PLD1: variants seen among roughly 807,000 people sequenced by gnomAD.
PLD1 encodes choline phosphatase 1.
PLD1 carries 112 observed loss-of-function variants against 137.1 expected under a neutral mutation model. That is an observed-to-expected ratio of 0.82 (90% CI 0.70 to 0.96). The LOEUF (loss-of-function observed/expected upper bound fraction) is 0.96. PLD1 is among the 40% of genes least tolerant of loss of function. The pLI, the probability that PLD1 is intolerant of heterozygous loss-of-function variation, is 0.00. For synonymous variants in PLD1, 431 were observed against 454.7 expected, an observed-to-expected ratio of 0.95 and a Z score of 0.66; for missense variants, 1,321 against 1,342.0, an observed-to-expected ratio of 0.98 and a Z score of 0.24.
At chr3:171,686,659 G>T in intron 16 of PLD1, 26 bp downstream of exon 16, 1 of 1,156,522 alleles carries the variant, frequency 8.6e-7, no homozygotes, top group Non-Finnish European at 1.3e-6. Context: ...GCCTAAGGGA[G>T]TTCTGCCACT....
intron 8 of PLD1, among the ~76,000 whole-genome samples, chr3:171,719,975 A>T (rs2108228997): frequency 6.6e-6 from 1 of 152,276 alleles, no homozygotes; most frequent in South Asian, 2.1e-4. Flanking sequence ...CATCTTTAAA[A>T]GTAAGTCTCA....
chr3:171,740,864 T>C (rs923509327), intron 1 of PLD1, among the ~76,000 whole-genome samples: 3 of 152,214 alleles, frequency 2.0e-5, no homozygotes, highest in Non-Finnish European at 4.4e-5. Flanking sequence ...TTCTGAGAGA[T>C]TGAGTTAAAC....
chr3:171,638,445 C>T (rs2108356533), intron 23 of PLD1, among the ~76,000 whole-genome samples: 1 of 152,252 alleles, frequency 6.6e-6, no homozygotes, highest in East Asian at 1.9e-4. Context: ...TCTTACGGGA[C>T]CACCATCATG....
chr3:171,736,408 A>G (rs1285089506), intron 3 of PLD1, among the ~76,000 whole-genome samples: 2 of 152,162 alleles, frequency 1.3e-5, no homozygotes, highest in Non-Finnish European at 2.9e-5. Flanking sequence ...AGAGTCTGTC[A>G]TTTACCCCCA....
chr3:171,759,970 A>G (rs1721282566), intron 1 of PLD1, among the ~76,000 whole-genome samples: 1 of 152,232 alleles, frequency 6.6e-6, no homozygotes, highest in African/African-American at 2.4e-5. Context: ...TTGCAAAAGC[A>G]AGACTGATAT....
chr3:171,732,393 C>T (rs1275661913), intron 6 of PLD1, among the ~76,000 whole-genome samples: 4 of 152,154 alleles, frequency 2.6e-5, no homozygotes, highest in Admixed American at 1.3e-4. Flanking sequence ...TGCCCCAGTG[C>T]AAGCTGCTGC....
chr3:171,747,762 A>G (rs893210483), intron 1 of PLD1, among the ~76,000 whole-genome samples: 7 of 152,198 alleles, frequency 4.6e-5, no homozygotes, highest in Non-Finnish European at 1.0e-4. Flanking sequence ...CAACAGACCT[A>G]TGAAGTAACT....
Position 171,687,603 on chromosome 3 carries a change from T to TAAAAAAAAA in PLD1, c.1540-20_1540-19insTTTTTTTTT. The TAAAAAAAAA allele has an allele frequency of 6.5e-7, 1 of 1,536,514 alleles. No homozygotes were observed. Among genetic ancestry groups the TAAAAAAAAA allele is most frequent in the Middle Eastern group, 1.9e-4 (1 of 5,314 alleles). ...CGGCAGGCTGAGAAAAATTTTTTTT[T>TAAAAAAAAA]AAAAAAAGACACTGCATAAGACATG... On this transcript the variant is annotated intron_variant, in intron 14 of 26. Coordinates refer to ENST00000351298, the MANE Select transcript of PLD1 (RefSeq NM_002662.5).
At position 171,631,253 on chromosome 3, in the gene PLD1, T is replaced by C. The variant is rs189270084; in HGVS notation, c.2594-10733A>G. ...TAAGTAGATTCATTTTTCATGGTGGTATGGGCCAGCAATCCCAAACCTATT... is the reference window on the plus strand; with the variant it reads ...TAAGTAGATTCATTTTTCATGGTGGCATGGGCCAGCAATCCCAAACCTATT... On this transcript the variant is annotated intron_variant, in intron 23 of 26. Transcript: ENST00000351298. 1.3e-5 allele frequency among the ~76,000 whole-genome samples: 2 copies of C among 152,264 alleles called. 1 individual carries two copies. Among genetic ancestry groups the C allele is most frequent in the Admixed American group, 1.3e-4 (2 of 15,302 alleles).
chr3:171,730,541 T>G (rs1399819805), intron 6 of PLD1, among the ~76,000 whole-genome samples: 2 of 152,090 alleles, frequency 1.3e-5, no homozygotes. Context: ...ATGTCTAATT[T>G]CAGAGGCTAC....
At chr3:171,795,859 A>G (rs1466278039) in intron 1 of PLD1, among the ~76,000 whole-genome samples, 1 of 152,246 alleles carries the variant, frequency 6.6e-6, no homozygotes, top group East Asian at 1.9e-4. Context: ...GGTTTTCAAT[A>G]GTTAATTTAG....
At chr3:171,773,035 G>T (rs748978283) in intron 1 of PLD1, among the ~76,000 whole-genome samples, 3 of 152,280 alleles carry the variant, frequency 2.0e-5, no homozygotes, top group Non-Finnish European at 4.4e-5. Flanking sequence ...CCCCAACTCA[G>T]CTAGATAAAC....
intron 1 of PLD1, among the ~76,000 whole-genome samples, chr3:171,788,250 CT>C (rs58878929): frequency 0.021 from 2,330 of 110,434 alleles, 9 homozygotes; most frequent in South Asian, 0.039. Context: ...ATCTGCACTT[CT>C]TTTTTTTTTT....
In PLD1 at chr3:171,620,400, T is replaced by TTA; in HGVS notation, c.2712_2713dup (p.Asn905IlefsTer11). On this transcript the variant is annotated frameshift_variant, in exon 24 of 27. Coordinates refer to ENST00000351298, the MANE Select transcript of PLD1 (RefSeq NM_002662.5). LOFTEE classifies it high-confidence loss of function. ...ACTGTACTTACCAATAATAACAGTG[T>TTA]TATCATCAGCAATTAACAACTTGCT... is the stretch of plus-strand genomic sequence containing the variant. 6.3e-7 allele frequency: 1 copy of TTA among 1,597,044 alleles called. No homozygotes were observed. Among genetic ancestry groups the TTA allele is most frequent in the South Asian group, 1.1e-5 (1 of 89,008 alleles).
chr3:171,684,473 T>C (rs1432423385), intron 16 of PLD1, among the ~76,000 whole-genome samples: 1 of 152,190 alleles, frequency 6.6e-6, no homozygotes, highest in Non-Finnish European at 1.5e-5. Context: ...AGCTTTGTCA[T>C]GCACAGGAAT....
rs545570806 is a variant in PLD1, at chr3:171,757,352, T to G, written c.-31-19270A>C. The stretch of plus-strand genomic sequence containing the variant: ...AAGGCTCAATAACTAGAAAAAACAA[T>G]CAGATAAAGAAAAGAGAAATTCTGG... On this transcript the variant is annotated intron_variant, in intron 1 of 26. Coordinates refer to ENST00000351298, the MANE Select transcript of PLD1 (RefSeq NM_002662.5). Among the ~76,000 whole-genome samples the G allele has an allele frequency of 3.3e-5, 5 of 152,092 alleles. No individual in the cohort carries two copies. The South Asian group carries it at 1.0e-3, about 32-fold the overall frequency.
chr3:171,674,502 G>A lies in PLD1; in HGVS notation c.2227C>T (p.Gln743Ter). ...QVPGSVHANV[Q>*]LLRSAADWSA... ...AAGAAAAGCCAGAACTTACTTACCTGTACGTTAGCATGGACAGACCCAGGC... is the reference window on the plus strand; with the variant it reads ...AAGAAAAGCCAGAACTTACTTACCTATACGTTAGCATGGACAGACCCAGGC... Residue 743 changes from glutamine (Q) to a stop codon, truncating the protein, a stop_gained and splice_region_variant, in exon 19 of 27, where the codon CAG (glutamine) becomes TAG (stop). Coordinates refer to ENST00000351298, the MANE Select transcript of PLD1 (RefSeq NM_002662.5). LOFTEE classifies it high-confidence loss of function. The A allele has an allele frequency of 6.5e-7, 1 of 1,530,108 alleles. No individual in the cohort carries two copies. The highest frequency in any genetic ancestry group is 1.2e-5 in the South Asian group (1 of 86,098). 94.8% of individuals were successfully genotyped at this position (1,530,108 alleles called of 1,614,324 possible).
chr3:171,715,642 T>TG (rs1164397534), intron 8 of PLD1, among the ~76,000 whole-genome samples: 1 of 152,160 alleles, frequency 6.6e-6, no homozygotes, highest in Non-Finnish European at 1.5e-5. Context: ...TTCTTTTTAC[T>TG]AGTCATTAGA....
Position 171,642,870 on chromosome 3 carries a change from T to C in PLD1, c.2563A>G (p.Asn855Asp), listed in dbSNP as rs1293497734. 6.3e-7 allele frequency: 1 copy of C among 1,588,864 alleles called. No homozygotes were observed. Among genetic ancestry groups the C allele is most frequent in the African/African-American group, 1.4e-5 (1 of 73,862 alleles). Residue 855 changes from asparagine to aspartate, a missense_variant, in exon 23 of 27, where the codon AAT becomes GAT. Asn to Asp is a conservative substitution (Grantham distance 23). Coordinates refer to ENST00000351298, the MANE Select transcript of PLD1 (RefSeq NM_002662.5). ...FNYRTMCRGE[N>D]SILGQLKAEL... ...GCTTTTAACTGTCCAAGGATGGAAT[T>C]TTCTCCTCTGCACATGGTTCTGAAA... is the stretch of plus-strand genomic sequence containing the variant.
Sources: gnomAD v4.1 joint callset for allele counts (sites outside exome capture counted in the v4.1 genomes callset) on GRCh38, gnomAD v4.1.1 for gene constraint, MANE v1.5 for transcripts, NCBI Gene and HGNC (gene_info 2026-07-23, HGNC 2026-07-21) for gene names.